The following FSD1 variants were observed in gnomAD, a reference collection of about 807,000 sequenced individuals.
The protein encoded by FSD1 is fibronectin type III and SPRY domain containing 1.
Under a neutral mutation model 58.2 loss-of-function variants are expected in FSD1, and 23 were observed. That is an observed-to-expected ratio of 0.40 (90% CI 0.28 to 0.56). FSD1 has a LOEUF of 0.56. Ranked by LOEUF, FSD1 falls within the 20% of genes least tolerant of loss-of-function variation. The pLI, the probability that FSD1 is intolerant of heterozygous loss-of-function variation, is 0.54. For synonymous variants in FSD1, 265 were observed against 263.4 expected, an observed-to-expected ratio of 1.01 and a Z score of -0.06; for missense variants, 563 against 670.8, an observed-to-expected ratio of 0.84 and a Z score of 1.78.
intron 10 of FSD1, among the ~76,000 whole-genome samples, chr19:4,319,599 G>A (rs914140877): frequency 2.0e-5 from 3 of 152,126 alleles, no homozygotes. Context: ...CTGGGGTCAT[G>A]AGGATAAGCT....
At chr19:4,307,613 C>T (rs1568378089) in intron 3 of FSD1, among the ~76,000 whole-genome samples, 1 of 152,120 alleles carries the variant, frequency 6.6e-6, no homozygotes, top group Non-Finnish European at 1.5e-5. Flanking sequence ...AGGTGATCCT[C>T]CCGCCTCAGC....
At chr19:4,315,954 CAG>C (rs1313528713) in intron 7 of FSD1, among the ~76,000 whole-genome samples, 4 of 151,408 alleles carry the variant, frequency 2.6e-5, no homozygotes, top group African/African-American at 9.7e-5. Context: ...TTAGTAGAGA[CAG>C]AGTTTCACCA....
chr19:4,320,512 C>T (rs931195109), intron 10 of FSD1, among the ~76,000 whole-genome samples: 2 of 152,020 alleles, frequency 1.3e-5, no homozygotes, highest in African/African-American at 2.4e-5. Flanking sequence ...AAAGAAGTTT[C>T]TATGGCTTGG....
rs746492451 is a variant in FSD1 at position 4,323,231 on chromosome 19, C to T, written c.1285C>T (p.His429Tyr). 9 of 1,605,252 alleles carry T rather than the reference C, an allele frequency of 5.6e-6. No individual in the cohort carries two copies. The Admixed American group carries it at 1.3e-4, about 24-fold the overall frequency. The change falls in exon 11 of 13, where the codon CAC becomes TAC. Residue 429 changes from histidine (H) to tyrosine (Y), a missense_variant. Coordinates refer to ENST00000221856, the MANE Select transcript of FSD1 (RefSeq NM_024333.3). This position sits in a 1 kb window ranked among gnomAD's most constrained non-coding sequence, Gnocchi z 7.7. ...PDCLGVHCDF[H>Y]QGLLSFYNAR... ...CTGCCTGGGTGTGCACTGTGACTTC[C>T]ACCAAGGTGACCCCAAGCCCCAGCT...
intron 8 of FSD1, among the ~76,000 whole-genome samples, chr19:4,317,932 G>A (rs1044876549): frequency 6.6e-6 from 1 of 152,144 alleles, no homozygotes; most frequent in African/African-American, 2.4e-5. Flanking sequence ...CAGGAGAATC[G>A]CTTGAACCCA....
chr19:4,306,640 G>A lies in FSD1; in HGVS notation c.243+311G>A, dbSNP rs376904582. On this transcript the variant is annotated intron_variant, in intron 3 of 12. Transcript: ENST00000221856. The stretch of plus-strand genomic sequence containing the variant: ...CCGCCATCATGCTGGGCTAATTTTC[G>A]TATTTTTAGTAGAGATGGGGTTTCA... Among the ~76,000 whole-genome samples, 17 of 152,064 alleles carry A rather than the reference G, an allele frequency of 1.1e-4. No homozygotes were observed. In the East Asian group the frequency reaches 1.7e-3, roughly 16 times the overall value.
At chr19:4,308,724 G>A (rs1177852880) in intron 4 of FSD1, among the ~76,000 whole-genome samples, 1 of 152,194 alleles carries the variant, frequency 6.6e-6, no homozygotes, top group Admixed American at 6.5e-5. Flanking sequence ...CGGGCGTGGT[G>A]GCGGGCACCT....
intron 8 of FSD1, 111 bp from the exon 9 acceptor site, chr19:4,318,235 G>T (rs1056602928): frequency 2.3e-5 from 32 of 1,420,200 alleles, no homozygotes; most frequent in Admixed American, 3.7e-5. Context: ...TTGGCTCTTT[G>T]ATTCTCTGTC....
At chr19:4,311,395 T>A in intron 6 of FSD1, 1 of 178,874 alleles carries the variant, frequency 5.6e-6, no homozygotes, top group Non-Finnish European at 1.2e-5. Context: ...CCTTAGCGTC[T>A]CCATGGCCGG....
intron 10 of FSD1, among the ~76,000 whole-genome samples, chr19:4,320,646 A>T (rs1323441226): frequency 1.3e-5 from 2 of 152,022 alleles, no homozygotes; most frequent in African/African-American, 4.8e-5. Context: ...ATCTGGGGGG[A>T]ATACCCGGGA....
intron 10 of FSD1, among the ~76,000 whole-genome samples, chr19:4,319,175 C>G (rs1480180593): frequency 1.3e-5 from 2 of 152,234 alleles, no homozygotes; most frequent in Non-Finnish European, 2.9e-5. Flanking sequence ...GACTCTGGAC[C>G]AGACAGTGCC....
At chr19:4,317,900 C>T (rs968020818) in intron 8 of FSD1, among the ~76,000 whole-genome samples, 2 of 152,124 alleles carry the variant, frequency 1.3e-5, no homozygotes, top group African/African-American at 4.8e-5. Flanking sequence ...GCCTGTAGTC[C>T]CAGCTACTTG....
At chr19:4,315,761 G>A (rs1423474429) in intron 7 of FSD1, among the ~76,000 whole-genome samples, 2 of 151,404 alleles carry the variant, frequency 1.3e-5, no homozygotes, top group South Asian at 2.1e-4. Flanking sequence ...ACAGGCCCCC[G>A]CCACCACACC....
At chr19:4,313,432 C>CTCATGAGATTAAAAAGCCA (rs199647855) in intron 7 of FSD1, among the ~76,000 whole-genome samples, 11,474 of 151,320 alleles carry the variant, frequency 0.076, 587 homozygotes, top group African/African-American at 0.14. Flanking sequence ...GGGGGAAAGC[C>CTCATGAGATTAAAAAGCCA]TCCTGGGCCG....
chr19:4,310,323 C>T, intron 5 of FSD1, 28 bp downstream of exon 5: 1 of 1,613,600 alleles, frequency 6.2e-7, no homozygotes, highest in Non-Finnish European at 8.5e-7. Context: ...GGCCCCCACC[C>T]CACTACCCTG....
chr19:4,319,837 G>A (rs553680248), intron 10 of FSD1, among the ~76,000 whole-genome samples: 3 of 152,228 alleles, frequency 2.0e-5, no homozygotes, highest in Non-Finnish European at 4.4e-5. Flanking sequence ...GTGTATAGAG[G>A]TTCATCTTGT....
At chr19:4,315,061 A>G (rs866527635) in intron 7 of FSD1, among the ~76,000 whole-genome samples, 2 of 151,940 alleles carry the variant, frequency 1.3e-5, no homozygotes, top group Middle Eastern at 3.4e-3. Context: ...CAATCCACCT[A>G]CTGTTTTGTT....
In FSD1 at chr19:4,323,704, C is replaced by A; in HGVS notation, c.*61C>A. ...GGGAGTCGCCGCCAAGCCCAGGCTGCTGGAGCCAGGCACCCTCCTCTGTCA... is the reference window on the plus strand; with the variant it reads ...GGGAGTCGCCGCCAAGCCCAGGCTGATGGAGCCAGGCACCCTCCTCTGTCA... On this transcript the variant is annotated 3_prime_UTR_variant, in exon 13 of 13. Transcript: ENST00000221856. The surrounding 1 kb of genome is among the most constrained non-coding windows in gnomAD (Gnocchi z 7.7). 1 of 1,200,162 alleles carries A rather than the reference C, an allele frequency of 8.3e-7. No individual in the cohort carries two copies. Among genetic ancestry groups the A allele is most frequent in the Non-Finnish European group, 1.2e-6 (1 of 838,846 alleles). 74.3% of individuals were successfully genotyped at this position (1,200,162 alleles called of 1,614,324 possible). A position where few individuals can be genotyped will look rare whatever the true frequency, so the allele number is the denominator to read the frequency against.
chr19:4,318,818 G>A lies in FSD1; in HGVS notation c.960-54G>A, dbSNP rs1002028151. 3.6e-5 allele frequency: 51 copies of A among 1,409,054 alleles called. No individual in the cohort carries two copies. In the African/African-American group the frequency reaches 6.5e-4, roughly 18 times the overall value. 87.3% of individuals were successfully genotyped at this position (1,409,054 alleles called of 1,614,324 possible). ...GGACTAGGGTAGCCTTACCGTGGGAGAGAGAAGTGTTGAACTGAGCCTCCT... is the reference window on the plus strand; with the variant it reads ...GGACTAGGGTAGCCTTACCGTGGGAAAGAGAAGTGTTGAACTGAGCCTCCT... On this transcript the variant is annotated intron_variant, in intron 9 of 12. Transcript: ENST00000221856.
Sources: allele counts gnomAD v4.1 joint callset (sites outside exome capture counted in the v4.1 genomes callset), GRCh38; gene constraint gnomAD v4.1.1; non-coding constraint Gnocchi (gnomAD v3.1); transcripts MANE v1.5; gene names NCBI Gene and HGNC (gene_info 2026-07-23, HGNC 2026-07-21).